SLC44A5: variants seen among roughly 807,000 people sequenced by gnomAD.
SLC44A5 encodes the protein choline transporter-like protein 5.
A neutral mutation model predicts 101.8 loss-of-function variants in SLC44A5; 57 were observed. That is an observed-to-expected ratio of 0.56 (90% confidence interval 0.45 to 0.70). SLC44A5 has a LOEUF of 0.70. Ranked by LOEUF, SLC44A5 falls within the 30% of genes least tolerant of loss-of-function variation. The probability of loss-of-function intolerance (pLI) is 0.00; values close to 1 mark genes in which losing one functional copy is unlikely to be tolerated. For missense variants in SLC44A5, 737 were observed against 853.1 expected (o/e 0.86, Z 1.70); for synonymous variants, 281 against 290.9 (o/e 0.97, Z 0.35).
chr1:75,327,382 T>C (rs1181973226), intron 4 of SLC44A5, among the ~76,000 whole-genome samples: 1 of 152,194 alleles, frequency 6.6e-6, no homozygotes, highest in Non-Finnish European at 1.5e-5. Flanking sequence ...CAATATGATA[T>C]GTGTTGGGAA....
intron 3 of SLC44A5, among the ~76,000 whole-genome samples, chr1:75,350,215 C>T (rs887298983): frequency 1.3e-5 from 2 of 151,826 alleles, no homozygotes; most frequent in Non-Finnish European, 2.9e-5. Flanking sequence ...GGAAAGGAGA[C>T]CAGTGGTCTC....
chr1:75,296,222 T>A (rs1653946809), intron 5 of SLC44A5, among the ~76,000 whole-genome samples: 1 of 152,152 alleles, frequency 6.6e-6, no homozygotes, highest in Non-Finnish European at 1.5e-5. Flanking sequence ...CTTGGTTCAT[T>A]TCTCTATTAA....
At position 75,380,231 on chromosome 1, in the gene SLC44A5, CA is replaced by C. The variant is rs1034358117; in HGVS notation, c.52+16351del. 1.0e-3 allele frequency among the ~76,000 whole-genome samples: 83 copies of C among 83,314 alleles called. 25 individuals are homozygous for C. The highest frequency in any genetic ancestry group is 6.6e-3 in the African/African-American group (83 of 12,584). 54.7% of individuals were successfully genotyped at this position (83,314 alleles called of 152,430 possible). On this transcript the variant is annotated intron_variant, in intron 3 of 23. Coordinates refer to ENST00000370859, the MANE Select transcript of SLC44A5 (RefSeq NM_001130058.2). The stretch of plus-strand genomic sequence containing the variant: ...ACTATACAAGCAGTCTCTCTGCTTC[CA>C]GGGGAGCCCCCACAAAAAATCCCCA...
chr1:75,411,618 C>T (rs1663284653), intron 2 of SLC44A5, among the ~76,000 whole-genome samples: 1 of 151,786 alleles, frequency 6.6e-6, no homozygotes, highest in East Asian at 1.9e-4. Flanking sequence ...CATAACAGAG[C>T]CAAATCACCA....
chr1:75,471,086 G>A (rs1212344746), intron 2 of SLC44A5, among the ~76,000 whole-genome samples: 1 of 152,100 alleles, frequency 6.6e-6, no homozygotes, highest in Non-Finnish European at 1.5e-5. Context: ...TTTATTCCCT[G>A]GACTTGGAAA....
chr1:75,262,320 C>T (rs1650590172), intron 6 of SLC44A5, among the ~76,000 whole-genome samples: 1 of 152,162 alleles, frequency 6.6e-6, no homozygotes, highest in Admixed American at 6.5e-5. Context: ...GCAAAAAGCA[C>T]AAGCATTCCT....
chr1:75,253,800 G>A (rs1158136775), intron 6 of SLC44A5, among the ~76,000 whole-genome samples: 2 of 152,120 alleles, frequency 1.3e-5, no homozygotes, highest in African/African-American at 4.8e-5. Flanking sequence ...TTATCCTCAA[G>A]GGTAAGGTTT....
chr1:75,215,475 CA>C (rs1646941998), intron 19 of SLC44A5, among the ~76,000 whole-genome samples: 1 of 152,018 alleles, frequency 6.6e-6, no homozygotes, highest in East Asian at 1.9e-4. Context: ...GCCAAAGACA[CA>C]CAAAACCATT....
chr1:75,691,094 G>A, the SLC44A5 span, among the ~76,000 whole-genome samples: 9 of 151,514 alleles, frequency 5.9e-5, no homozygotes, highest in South Asian at 2.1e-4. Flanking sequence ...TGTACTTTTC[G>A]CTTTCAGTAA....
At chr1:75,405,473 A>G (rs539181299) in intron 2 of SLC44A5, among the ~76,000 whole-genome samples, 15 of 152,332 alleles carry the variant, frequency 9.8e-5, no homozygotes, top group Admixed American at 9.8e-4. Flanking sequence ...ACTCCTCAGC[A>G]AATGCAAAAG....
At chr1:75,723,315 C>A in the SLC44A5 span, among the ~76,000 whole-genome samples, 1 of 152,138 alleles carries the variant, frequency 6.6e-6, no homozygotes, top group Non-Finnish European at 1.5e-5. Flanking sequence ...ACACTGAGCG[C>A]CCGTTCCCAA....
At chr1:75,721,467 C>T in the SLC44A5 span, among the ~76,000 whole-genome samples, 1 of 152,134 alleles carries the variant, frequency 6.6e-6, no homozygotes, top group Non-Finnish European at 1.5e-5. Flanking sequence ...TATGTATAGC[C>T]CAAGACAATT....
the SLC44A5 span, chr1:75,641,696 A>G: frequency 2.6e-6 from 4 of 1,544,330 alleles, no homozygotes; most frequent in Non-Finnish European, 3.6e-6. Context: ...CCAATCTTGT[A>G]TGAGATACTG....
chr1:75,541,694 G>A (rs955228072), intron 1 of SLC44A5, among the ~76,000 whole-genome samples, 178 bp from the exon 2 acceptor site: 1 of 152,130 alleles, frequency 6.6e-6, no homozygotes, highest in Non-Finnish European at 1.5e-5. Context: ...TCTCTTTGGA[G>A]AAGCAGCCTT....
intron 2 of SLC44A5, among the ~76,000 whole-genome samples, chr1:75,508,141 TA>T (rs543606258): frequency 3.5e-4 from 53 of 152,050 alleles, no homozygotes; most frequent in African/African-American, 1.3e-3. Flanking sequence ...TCAATAAATT[TA>T]AAAAAAATCA....
intron 2 of SLC44A5, among the ~76,000 whole-genome samples, chr1:75,472,508 A>G (rs1316545246): frequency 6.6e-6 from 1 of 152,190 alleles, no homozygotes; most frequent in Non-Finnish European, 1.5e-5. Flanking sequence ...AATAACTTTG[A>G]CAATTATTAA....
At chr1:75,534,081 C>A (rs1049083520) in intron 2 of SLC44A5, among the ~76,000 whole-genome samples, 4 of 152,144 alleles carry the variant, frequency 2.6e-5, no homozygotes, top group African/African-American at 9.7e-5. Context: ...ACCATCATCC[C>A]CATGCAGTAC....
the SLC44A5 span, chr1:75,710,231 T>A: frequency 6.6e-6 from 1 of 152,102 alleles, no homozygotes; most frequent in Non-Finnish European, 1.5e-5. Flanking sequence ...AATTTAAATA[T>A]GTAGAGTTAA....
At chr1:75,287,137 T>A (rs763993198) in intron 5 of SLC44A5, among the ~76,000 whole-genome samples, 32 of 152,032 alleles carry the variant, frequency 2.1e-4, no homozygotes, top group Non-Finnish European at 1.5e-4. Flanking sequence ...TGTTTTTTTT[T>A]AATTATTTTT....
Sources: gnomAD v4.1 joint callset for allele counts (sites outside exome capture counted in the v4.1 genomes callset) on GRCh38, gnomAD v4.1.1 for gene constraint, MANE v1.5 for transcripts, NCBI Gene and HGNC (gene_info 2026-07-23, HGNC 2026-07-21) for gene names.